The following FAM227B variants were observed in gnomAD, a reference collection of about 807,000 sequenced individuals.
FAM227B encodes the protein protein FAM227B.
Under a neutral mutation model 73.8 loss-of-function variants are expected in FAM227B, and 88 were observed. The observed-to-expected ratio is 1.19, with a 90% CI of 1.00 to 1.42. The LOEUF (loss-of-function observed/expected upper bound fraction) is 1.42. FAM227B is among the 40% of genes most tolerant of loss of function. The pLI, the probability that FAM227B is intolerant of heterozygous loss-of-function variation, is 0.00. For missense variants in FAM227B, 632 were observed against 590.9 expected, an observed-to-expected ratio of 1.07 and a Z score of -0.72; for synonymous variants, 210 against 190.5, an observed-to-expected ratio of 1.10 and a Z score of -0.84.
At chr15:49,540,469 T>C (rs765432088) in intron 10 of FAM227B, among the ~76,000 whole-genome samples, 115 of 152,334 alleles carry the variant, frequency 7.5e-4, no homozygotes, top group Non-Finnish European at 1.4e-3. Flanking sequence ...TCTAGGACTA[T>C]TTTTGTTCAT....
In FAM227B at chr15:49,429,730, T is replaced by C. The variant is rs192776680; in HGVS notation, c.1013-58331A>G. ...TTCATTAAATTGATCTGAGGTACAG[T>C]CTGGGCATCAGGAATTTTAAAAGCT... is the stretch of plus-strand genomic sequence containing the variant. On this transcript the variant is annotated intron_variant, in intron 11 of 15. Coordinates refer to ENST00000299338, the MANE Select transcript of FAM227B (RefSeq NM_152647.3). Among the ~76,000 whole-genome samples the C allele has an allele frequency of 1.8e-3, 269 of 152,050 alleles. 2 individuals are homozygous for C. The highest frequency in any genetic ancestry group is 6.1e-3 in the African/African-American group (252 of 41,526).
rs1567092212 is a variant in FAM227B at position 49,335,418 on chromosome 15, C to T, written c.1349+1G>A. 2.5e-6 allele frequency: 4 copies of T among 1,593,358 alleles called. No homozygotes were observed. Among genetic ancestry groups the T allele is most frequent in the Non-Finnish European group, 1.7e-6 (2 of 1,161,278 alleles). On this transcript the variant is annotated splice_donor_variant, in intron 14 of 15. Coordinates refer to ENST00000299338, the MANE Select transcript of FAM227B (RefSeq NM_152647.3). LOFTEE classifies it high-confidence loss of function. ...TTAACAATAGTATAGCATCAACTTA[C>T]ATCCTAAAATCCTTTTGGTTCCTTG...
intron 11 of FAM227B, chr15:49,424,170 A>T: frequency 1.2e-6 from 1 of 801,890 alleles, no homozygotes; most frequent in Non-Finnish European, 2.0e-6. Context: ...ATTTGGAAAG[A>T]GCAACTACTC....
At chr15:49,397,189 A>C (rs187787135) in intron 11 of FAM227B, among the ~76,000 whole-genome samples, 35 of 152,340 alleles carry the variant, frequency 2.3e-4, no homozygotes, top group Admixed American at 1.9e-3. Flanking sequence ...CTTGAGAACA[A>C]CGTGAAGAAT....
At chr15:49,543,418 G>A (rs538701674) in intron 9 of FAM227B, among the ~76,000 whole-genome samples, 15 of 152,052 alleles carry the variant, frequency 9.9e-5, no homozygotes, top group Non-Finnish European at 1.6e-4. Context: ...GTCCTTTGTC[G>A]GATGCATAGC....
intron 13 of FAM227B, among the ~76,000 whole-genome samples, chr15:49,352,348 G>A (rs995986103): frequency 1.3e-5 from 2 of 152,188 alleles, no homozygotes; most frequent in Non-Finnish European, 2.9e-5. Flanking sequence ...AAGAATTGGT[G>A]AGGTCACATT....
chr15:49,405,771 T>A (rs1365207326), intron 11 of FAM227B, among the ~76,000 whole-genome samples: 2 of 152,240 alleles, frequency 1.3e-5, no homozygotes, highest in African/African-American at 4.8e-5. Flanking sequence ...TCAGCCTGGT[T>A]CAGAACCCTT....
chr15:49,339,037 T>C (rs907914900), intron 13 of FAM227B, among the ~76,000 whole-genome samples: 8 of 152,210 alleles, frequency 5.3e-5, no homozygotes, highest in African/African-American at 1.9e-4. Context: ...TCTAACCTTT[T>C]TTCAAGGTTC....
At chr15:49,426,210 A>T (rs2050119980) in intron 11 of FAM227B, among the ~76,000 whole-genome samples, 1 of 151,850 alleles carries the variant, frequency 6.6e-6, no homozygotes, top group African/African-American at 2.4e-5. Flanking sequence ...ATAGGTACAG[A>T]TGATTTCCAT....
At chr15:49,431,952 G>T (rs1266379607) in intron 11 of FAM227B, among the ~76,000 whole-genome samples, 1 of 151,628 alleles carries the variant, frequency 6.6e-6, no homozygotes, top group South Asian at 2.1e-4. Flanking sequence ...ATACAGAGGG[G>T]TTGAAATGAT....
chr15:49,419,401 T>C (rs2049437128), intron 11 of FAM227B, among the ~76,000 whole-genome samples: 1 of 152,232 alleles, frequency 6.6e-6, no homozygotes, highest in South Asian at 2.1e-4. Context: ...ATTCATGTTT[T>C]ACCCTAGTCA....
chr15:49,441,886 CT>C (rs1215146714), intron 11 of FAM227B, among the ~76,000 whole-genome samples: 3 of 151,404 alleles, frequency 2.0e-5, no homozygotes, highest in African/African-American at 7.2e-5. Flanking sequence ...GAGCAACCTT[CT>C]CATTGTACTT....
intron 10 of FAM227B, among the ~76,000 whole-genome samples, chr15:49,516,273 T>G (rs1295932701): frequency 1.3e-5 from 2 of 152,136 alleles, no homozygotes; most frequent in Non-Finnish European, 2.9e-5. Context: ...GTCCATGGTG[T>G]AAAACATAAA....
At chr15:49,517,906 C>T (rs11070701) in intron 10 of FAM227B, among the ~76,000 whole-genome samples, 48,070 of 151,888 alleles carry the variant, frequency 0.32, 8,170 homozygotes, top group African/African-American at 0.42. Context: ...TTGTATCTGG[C>T]TTTTTCTTTT....
At chr15:49,472,702 G>C (rs2054887661) in intron 11 of FAM227B, among the ~76,000 whole-genome samples, 1 of 152,024 alleles carries the variant, frequency 6.6e-6, no homozygotes, top group South Asian at 2.1e-4. Context: ...AGACTTAAGG[G>C]GCAAAGATAT....
intron 5 of FAM227B, among the ~76,000 whole-genome samples, chr15:49,583,173 C>G (rs951252636): frequency 6.8e-6 from 1 of 147,226 alleles, no homozygotes; most frequent in South Asian, 2.1e-4. Flanking sequence ...TTGAGAAGAT[C>G]AACAAATCCA....
At chr15:49,588,546 ACTATATATATATATATAT>A (rs1190553363) in intron 4 of FAM227B, among the ~76,000 whole-genome samples, 1 of 41,480 alleles carries the variant, frequency 2.4e-5, no homozygotes, top group African/African-American at 9.2e-5. Context: ...CATATTGAGG[ACTATATATATATATATAT>A]ATATATATAT....
chr15:49,474,287 A>C (rs1002693363), intron 11 of FAM227B, among the ~76,000 whole-genome samples: 5 of 152,212 alleles, frequency 3.3e-5, no homozygotes. Context: ...AGAAAGGGCC[A>C]AAGAAACTAA....
At chr15:49,546,321 G>A (rs1332607862) in intron 9 of FAM227B, among the ~76,000 whole-genome samples, 1 of 152,142 alleles carries the variant, frequency 6.6e-6, no homozygotes, top group South Asian at 2.1e-4. Flanking sequence ...GTATTCCATG[G>A]TGTATATGTG....
Sources: gnomAD v4.1 joint callset for allele counts (sites outside exome capture counted in the v4.1 genomes callset) on GRCh38, gnomAD v4.1.1 for gene constraint, MANE v1.5 for transcripts, NCBI Gene and HGNC (gene_info 2026-07-23, HGNC 2026-07-21) for gene names.